FCSK: variants seen among roughly 807,000 people sequenced by gnomAD.
FCSK encodes fucose kinase, also known as L-fucose kinase.
Under a neutral mutation model 122.5 loss-of-function variants are expected in FCSK, and 123 were observed. That is an observed-to-expected ratio of 1.00 (90% CI 0.87 to 1.17). The LOEUF (loss-of-function observed/expected upper bound fraction) is 1.17. Ranked by LOEUF, FCSK falls within the 50% of genes most tolerant of loss-of-function variation. The pLI is 0.00. For missense variants in FCSK, 1,366 were observed against 1,450.4 expected (o/e 0.94, Z 0.95); for synonymous variants, 620 against 625.5 (o/e 0.99, Z 0.13).
intron 3 of FCSK, among the ~76,000 whole-genome samples, chr16:70,464,184 C>T (rs1252302862): frequency 6.6e-6 from 1 of 152,192 alleles, no homozygotes; most frequent in African/African-American, 2.4e-5. Context: ...ACCCGGTCAC[C>T]TTGTCTGCAT....
At chr16:70,455,528 C>T (rs894858549) in intron 1 of FCSK, among the ~76,000 whole-genome samples, 1 of 149,466 alleles carries the variant, frequency 6.7e-6, no homozygotes, top group Non-Finnish European at 1.5e-5. Context: ...AACAAAAGAA[C>T]CTTAGGGCCT....
chr16:70,464,029 A>G (rs1228308719), intron 3 of FCSK, among the ~76,000 whole-genome samples: 2 of 152,066 alleles, frequency 1.3e-5, no homozygotes, highest in African/African-American at 2.4e-5. Context: ...CTCTTGAAAC[A>G]TTCAAAGGTC....
chr16:70,473,291 C>G lies in FCSK; in HGVS notation c.1715C>G (p.Pro572Arg), dbSNP rs763516720. The G allele has an allele frequency of 6.5e-7, 1 of 1,528,496 alleles. No homozygotes were observed. The highest frequency in any genetic ancestry group is 1.4e-5 in the African/African-American group (1 of 72,680). 94.7% of individuals were successfully genotyped at this position (1,528,496 alleles called of 1,614,324 possible). A position where few individuals can be genotyped will look rare whatever the true frequency, so the allele number is the denominator to read the frequency against. ...GCCCGGCAGGACCTCAGCCTGCGCC[C>G]GCTGATCTGGGCTGCTGTCCGCGAG... ...LEARQDLSLR[P>R]LIWAAVREGC... is the part of the protein sequence containing the mutation. The change falls in exon 15 of 24, where the codon CCG (proline) becomes CGG (arginine). Residue 572 changes from proline (P) to arginine (R), a missense_variant. Transcript: ENST00000288078. The surrounding 1 kb of genome is among the most constrained non-coding windows in gnomAD (Gnocchi z 4.9).
At chr16:70,459,479 A>G (rs1232693493) in intron 1 of FCSK, among the ~76,000 whole-genome samples, 2 of 152,124 alleles carry the variant, frequency 1.3e-5, no homozygotes, top group African/African-American at 2.4e-5. Context: ...TGGAGATTAC[A>G]GTGAGCTGAG....
In FCSK at chr16:70,478,553, T is replaced by G; in HGVS notation, c.2832T>G (p.Asp944Glu). ...KTRLARNLLQ[D>E]VLRSWYARLP... ...CCCTTCTCCTGCCCCGTCCGCAGGA[T>G]GTGCTGAGGAGCTGGTATGCCCGAC... is the stretch of plus-strand genomic sequence containing the variant. The change falls in exon 22 of 24, where the codon GAT (aspartate) becomes GAG (glutamate). Residue 944 changes from aspartate (D) to glutamate (E), a missense_variant and splice_region_variant. By Grantham distance (45) the Asp-to-Glu change is conservative. Coordinates refer to ENST00000288078, the MANE Select transcript of FCSK (RefSeq NM_145059.3). The G allele has an allele frequency of 1.2e-6, 2 of 1,613,640 alleles. No homozygotes were observed. Among genetic ancestry groups the G allele is most frequent in the Non-Finnish European group, 1.7e-6 (2 of 1,179,926 alleles).
Position 70,472,562 on chromosome 16 carries a change from C to A in FCSK, c.1363C>A (p.Leu455Ile), listed in dbSNP as rs1209549223. The A allele has an allele frequency of 2.5e-6, 4 of 1,613,238 alleles. No homozygotes were observed. Among genetic ancestry groups the A allele is most frequent in the Non-Finnish European group, 3.4e-6 (4 of 1,179,578 alleles). Residue 455 changes from leucine (L) to isoleucine (I), a missense_variant, in exon 14 of 24, where the codon CTC becomes ATC. Leu to Ile is a conservative substitution (Grantham distance 5). Transcript: ENST00000288078. ...SWERQGAGTY[L>I]NVPWSEFFKR... ...CCAGAGACAGGGGGCAGGCACATAT[C>A]TCAACGTGCCCTGGAGTGAATTCTT...
intron 20 of FCSK, among the ~76,000 whole-genome samples, chr16:70,477,172 T>A (rs2048843334): frequency 6.6e-6 from 1 of 152,124 alleles, no homozygotes; most frequent in South Asian, 2.1e-4. Context: ...CAACTCAAGT[T>A]TTGTTATTTT....
Position 70,473,137 on chromosome 16 carries a change from G to C in FCSK, c.1561G>C (p.Ala521Pro), listed in dbSNP as rs17881069. The C allele has an allele frequency of 1.7e-5, 27 of 1,560,346 alleles. 1 individual carries two copies. In the South Asian group the frequency reaches 3.2e-4, roughly 18 times the overall value. ...GGAGGATGGGGGCGAGGCCCTGCGA[G>C]CCTGGCGGGCCTCCTGGCGCCTGTC... ...HQEDGGEALR[A>P]WRASWRLSWE... Residue 521 changes from alanine (A) to proline (P), a missense_variant, in exon 15 of 24, where the codon GCC becomes CCC. Transcript: ENST00000288078. The surrounding 1 kb of genome is among the most constrained non-coding windows in gnomAD (Gnocchi z 4.9).
intron 5 of FCSK, chr16:70,466,465 G>T (rs2048421214): frequency 1.0e-5 from 6 of 584,726 alleles, no homozygotes; most frequent in Non-Finnish European, 1.5e-5. Flanking sequence ...AGCCAAAGTG[G>T]GAGGATCGCT....
Position 70,474,339 on chromosome 16 carries a change from G to A in FCSK, c.1988G>A (p.Arg663Lys), listed in dbSNP as rs948259856. Residue 663 changes from arginine (R) to lysine (K), a missense_variant and splice_region_variant, in exon 16 of 24, where the codon AGG (arginine) becomes AAG (lysine). Coordinates refer to ENST00000288078, the MANE Select transcript of FCSK (RefSeq NM_145059.3). The part of the protein sequence containing the change: ...LAQERDKWLS[R>K]PALLVRAARH... Reference sequence around the variant, plus strand: ...CAGGAGAGGGACAAGTGGCTAAGCAGGTGTGTACTAATGGAGGTCAGATCC... The same window carrying A: ...CAGGAGAGGGACAAGTGGCTAAGCAAGTGTGTACTAATGGAGGTCAGATCC... The A allele has an allele frequency of 6.2e-7, 1 of 1,612,806 alleles. No individual in the cohort carries two copies. Among genetic ancestry groups the A allele is most frequent in the African/African-American group, 1.3e-5 (1 of 74,938 alleles).
At chr16:70,462,650 A>G (rs1186282385) in intron 1 of FCSK, among the ~76,000 whole-genome samples, 2 of 150,476 alleles carry the variant, frequency 1.3e-5, no homozygotes, top group Non-Finnish European at 3.0e-5. Context: ...TCTTTTATTT[A>G]TTTATTTTTT....
Position 70,474,587 on chromosome 16 carries a change from G to T in FCSK, c.2048G>T (p.Arg683Leu), listed in dbSNP as rs377513686. 28 of 1,565,502 alleles carry T rather than the reference G, an allele frequency of 1.8e-5. No individual in the cohort carries two copies. Among genetic ancestry groups the T allele is most frequent in the African/African-American group, 1.5e-4 (11 of 73,854 alleles). ...GAGGGGGCTGGTCAGATCCTGATCC[G>T]CCAGGCTGTGATGTCAGCCCAGCAC... ...HYEGAGQILI[R>L]QAVMSAQHFV... The change falls in exon 17 of 24, where the codon CGC becomes CTC. Residue 683 changes from arginine (R) to leucine (L), a missense_variant. By Grantham distance (102) the Arg-to-Leu change is moderately radical. Transcript: ENST00000288078.
intron 13 of FCSK, among the ~76,000 whole-genome samples, 198 bp from the exon 14 acceptor site, chr16:70,472,343 C>T (rs2048652187): frequency 1.3e-5 from 2 of 152,100 alleles, no homozygotes; most frequent in Admixed American, 1.3e-4. Flanking sequence ...TCTGGGAGGC[C>T]GAGGTGGGAG....
intron 22 of FCSK, 113 bp downstream of exon 22, chr16:70,478,763 C>T: frequency 2.3e-6 from 2 of 873,974 alleles, no homozygotes; most frequent in Non-Finnish European, 3.7e-6. Context: ...TATTCGGCCT[C>T]TGGGAACAGA....
chr16:70,479,136 A>T, intron 22 of FCSK, 44 bp from the exon 23 acceptor site: 1 of 1,431,646 alleles, frequency 7.0e-7, no homozygotes, highest in Non-Finnish European at 9.8e-7. Context: ...ATGGGTGCTG[A>T]GTATCTTGGC....
At position 70,474,611 on chromosome 16, in the gene FCSK, A is replaced by C. The variant is rs1567710105; in HGVS notation, c.2072A>C (p.His691Pro). 1.3e-6 allele frequency: 2 copies of C among 1,583,976 alleles called. No individual in the cohort carries two copies. Among genetic ancestry groups the C allele is most frequent in the Non-Finnish European group, 1.7e-6 (2 of 1,165,004 alleles). The change falls in exon 17 of 24, where the codon CAC becomes CCC. Residue 691 changes from histidine to proline, a missense_variant. Transcript: ENST00000288078. ...CGCCAGGCTGTGATGTCAGCCCAGC[A>C]CTTTGTCTCCACAGAGCAGGTGGAA... Reference protein sequence around the residue: ...LIRQAVMSAQHFVSTEQVELP... With the variant: ...LIRQAVMSAQPFVSTEQVELP...
intron 3 of FCSK, 44 bp downstream of exon 3, chr16:70,463,818 G>A (rs375754180): frequency 1.1e-4 from 172 of 1,555,330 alleles, no homozygotes; most frequent in Middle Eastern, 2.1e-4. Flanking sequence ...TGTCCCTGCT[G>A]GAACCAGGTC....
chr16:70,472,471 C>T, intron 13 of FCSK, 70 bp from the exon 14 acceptor site: 7 of 1,270,554 alleles, frequency 5.5e-6, no homozygotes, highest in Non-Finnish European at 7.8e-6. Context: ...AGCTCCTGGC[C>T]CCCTGGCCGA....
chr16:70,477,246 G>C (rs1019463015), intron 20 of FCSK: 1 of 152,078 alleles, frequency 6.6e-6, no homozygotes, highest in African/African-American at 2.4e-5. Flanking sequence ...GCAGTGGTGC[G>C]ATCTCAGCCC....
Sources: allele counts gnomAD v4.1 joint callset (sites outside exome capture counted in the v4.1 genomes callset), GRCh38; gene constraint gnomAD v4.1.1; non-coding constraint Gnocchi (gnomAD v3.1); transcripts MANE v1.5; gene names NCBI Gene and HGNC (gene_info 2026-07-23, HGNC 2026-07-21).